The following SMYD3 variants were observed in gnomAD, a reference collection of about 807,000 sequenced individuals.
SMYD3 encodes SET and MYND domain containing 3.
Under a neutral mutation model 57.7 loss-of-function variants are expected in SMYD3, and 36 were observed. That is an observed-to-expected ratio of 0.62 (90% confidence interval 0.48 to 0.82). The LOEUF is 0.82. Ranked by LOEUF, SMYD3 falls within the 40% of genes least tolerant of loss-of-function variation. The pLI is 0.00. For synonymous variants in SMYD3, 211 were observed against 195.0 expected (o/e 1.08, Z -0.68); for missense variants, 515 against 538.8 (o/e 0.96, Z 0.44).
intron 5 of SMYD3, among the ~76,000 whole-genome samples, chr1:246,184,287 GTATATTGCCCTT>G (rs2062598515): frequency 6.6e-6 from 1 of 152,184 alleles, no homozygotes; most frequent in Non-Finnish European, 1.5e-5. Context: ...AGAAAAGCAA[GTATATTGCCCTT>G]TTTTCCTATT....
At chr1:246,383,582 G>A (rs2066424346) in intron 1 of SMYD3, among the ~76,000 whole-genome samples, 1 of 152,208 alleles carries the variant, frequency 6.6e-6, no homozygotes, top group South Asian at 2.1e-4. Context: ...GTTTAAAAAT[G>A]CATTATCCTT....
At chr1:246,132,992 G>A (rs1469812741) in intron 5 of SMYD3, among the ~76,000 whole-genome samples, 1 of 151,862 alleles carries the variant, frequency 6.6e-6, no homozygotes, top group African/African-American at 2.4e-5. Flanking sequence ...AAGAAATGGC[G>A]GCAAGGATGC....
At chr1:246,487,167 G>T (rs888347211) in intron 1 of SMYD3, among the ~76,000 whole-genome samples, 1 of 151,412 alleles carries the variant, frequency 6.6e-6, no homozygotes, top group Admixed American at 6.6e-5. Flanking sequence ...TTGAAATATG[G>T]TTGGGCATGG....
At chr1:246,383,290 T>C (rs1414472277) in intron 1 of SMYD3, among the ~76,000 whole-genome samples, 1 of 152,190 alleles carries the variant, frequency 6.6e-6, no homozygotes, top group Non-Finnish European at 1.5e-5. Context: ...TGGGGATGGG[T>C]AGATCAGAGA....
rs192784524 is a variant in SMYD3, at chr1:246,153,124, C to A, written c.531+174077G>T. ...TGTCTACTCAAGCACCAAGCCTCTG[C>A]GTGTGTGCGTCTCCCTCAGATGATC... On this transcript the variant is annotated intron_variant, in intron 5 of 11. Coordinates refer to ENST00000490107, the MANE Select transcript of SMYD3 (RefSeq NM_001167740.2). Among the ~76,000 whole-genome samples, 483 of 152,220 alleles carry A rather than the reference C, an allele frequency of 3.2e-3. 1 individual carries two copies. The highest frequency in any genetic ancestry group is 4.7e-3 in the Non-Finnish European group (320 of 68,018).
chr1:246,047,803 G>C (rs958891729), intron 5 of SMYD3, among the ~76,000 whole-genome samples: 1 of 151,486 alleles, frequency 6.6e-6, no homozygotes, highest in African/African-American at 2.4e-5. Flanking sequence ...TCCTACCACT[G>C]TACTCCAGCC....
chr1:245,943,424 C>T (rs2057325393), intron 5 of SMYD3, among the ~76,000 whole-genome samples: 1 of 151,936 alleles, frequency 6.6e-6, no homozygotes, highest in Non-Finnish European at 1.5e-5. Context: ...TACATCCTCC[C>T]AAGACTAAAG....
chr1:245,930,486 T>C, intron 5 of SMYD3: 1 of 283,696 alleles, frequency 3.5e-6, no homozygotes, highest in South Asian at 3.8e-5. Context: ...CCATGGTATT[T>C]ACCAGGAGTC....
chr1:246,403,617 A>G (rs2066810951), intron 1 of SMYD3, among the ~76,000 whole-genome samples: 1 of 152,218 alleles, frequency 6.6e-6, no homozygotes, highest in South Asian at 2.1e-4. Context: ...GAGAAGGTAT[A>G]ATCAGTGGTA....
intron 8 of SMYD3, among the ~76,000 whole-genome samples, chr1:245,903,056 A>T (rs981229023): frequency 6.6e-6 from 1 of 152,242 alleles, no homozygotes; most frequent in Non-Finnish European, 1.5e-5. Flanking sequence ...AAGGAAACTC[A>T]GTGATATACA....
intron 10 of SMYD3, among the ~76,000 whole-genome samples, chr1:245,817,547 G>C (rs2048923318): frequency 6.6e-6 from 1 of 152,118 alleles, no homozygotes. Context: ...GCTGGACGGA[G>C]AATGACTTTG....
intron 8 of SMYD3, among the ~76,000 whole-genome samples, chr1:245,875,230 TAA>T (rs1349046396): frequency 6.6e-6 from 1 of 152,202 alleles, no homozygotes; most frequent in Non-Finnish European, 1.5e-5. Context: ...AACCGTCTCA[TAA>T]ACCAAGCATG....
intron 5 of SMYD3, among the ~76,000 whole-genome samples, chr1:246,109,085 C>T (rs6673742): frequency 0.16 from 24,773 of 151,888 alleles, 3,612 homozygotes; most frequent in African/African-American, 0.39. Context: ...GACTGTGAGC[C>T]CCTGGAGTTC....
chr1:246,171,232 T>A (rs2062326513), intron 5 of SMYD3, among the ~76,000 whole-genome samples: 1 of 152,226 alleles, frequency 6.6e-6, no homozygotes, highest in Non-Finnish European at 1.5e-5. Flanking sequence ...AAAAGGTATA[T>A]TTCTTTTATA....
intron 5 of SMYD3, among the ~76,000 whole-genome samples, chr1:246,137,654 T>C (rs745503727): frequency 5.9e-5 from 9 of 152,316 alleles, no homozygotes; most frequent in Non-Finnish European, 8.8e-5. Context: ...GCACAACTAA[T>C]AACCCAATTC....
intron 10 of SMYD3, among the ~76,000 whole-genome samples, chr1:245,791,445 G>T (rs2047261434): frequency 6.6e-6 from 1 of 152,196 alleles, no homozygotes; most frequent in Non-Finnish European, 1.5e-5. Context: ...CAAACTCAGG[G>T]CATGGTGACA....
At chr1:246,449,247 TAAAC>T (rs1280614297) in intron 1 of SMYD3, among the ~76,000 whole-genome samples, 1 of 151,984 alleles carries the variant, frequency 6.6e-6, no homozygotes, top group African/African-American at 2.4e-5. Flanking sequence ...AAAAATAAAA[TAAAC>T]AAAAGTTTTC....
chr1:246,134,787 C>G (rs894910437), intron 5 of SMYD3, among the ~76,000 whole-genome samples: 1 of 126,616 alleles, frequency 7.9e-6, no homozygotes, highest in African/African-American at 2.5e-5. Context: ...AATTGATTGA[C>G]CACATTTTCT....
intron 5 of SMYD3, among the ~76,000 whole-genome samples, chr1:246,186,061 C>T (rs2062635437): frequency 6.6e-6 from 1 of 151,978 alleles, no homozygotes; most frequent in Admixed American, 6.6e-5. Context: ...GAGCTCAGTA[C>T]CTTGCTCAAA....
Sources: allele counts gnomAD v4.1 joint callset (sites outside exome capture counted in the v4.1 genomes callset), GRCh38; gene constraint gnomAD v4.1.1; transcripts MANE v1.5; gene names NCBI Gene and HGNC (gene_info 2026-07-23, HGNC 2026-07-21).